The following GAS7 variants were observed in gnomAD, a reference collection of about 807,000 sequenced individuals.
GAS7 encodes growth arrest-specific protein 7.
Under a neutral mutation model 71.1 loss-of-function variants are expected in GAS7, and 28 were observed. The observed-to-expected ratio is 0.39, with a 90% CI of 0.29 to 0.54. The LOEUF is 0.54. Among genes scored for constraint, GAS7 ranks in the 20% least tolerant of loss-of-function variants. The probability of loss-of-function intolerance (pLI) is 0.62; values close to 1 mark genes in which losing one functional copy is unlikely to be tolerated. For synonymous variants in GAS7, 258 were observed against 245.8 expected (o/e 1.05, Z -0.46); for missense variants, 436 against 627.8 (o/e 0.69, Z 3.27).
intron 1 of GAS7, among the ~76,000 whole-genome samples, chr17:10,118,734 T>C (rs1271766756): frequency 2.0e-5 from 3 of 146,642 alleles, no homozygotes; most frequent in African/African-American, 7.6e-5. Context: ...AAAGCCCTTG[T>C]GTATCTCTGG....
chr17:10,063,275 C>A (rs144268653), intron 1 of GAS7, among the ~76,000 whole-genome samples: 3 of 152,190 alleles, frequency 2.0e-5, no homozygotes, highest in Non-Finnish European at 4.4e-5. Context: ...CGTGTGTGTG[C>A]GCGCGCACGC....
chr17:10,134,221 C>T (rs968202277), intron 1 of GAS7, among the ~76,000 whole-genome samples: 23 of 151,922 alleles, frequency 1.5e-4, no homozygotes, highest in Admixed American at 1.4e-3. Context: ...TTAGTAGAGA[C>T]GGGGTTTCAC....
chr17:10,086,613 G>C (rs2073522606), intron 1 of GAS7, among the ~76,000 whole-genome samples: 1 of 152,180 alleles, frequency 6.6e-6, no homozygotes, highest in Non-Finnish European at 1.5e-5. Flanking sequence ...TGTACAAGCT[G>C]TTAAAATCAC....
rs377413522 is a variant in GAS7, at chr17:10,031,813, A to T, written c.184-11916T>A. 3.3e-5 allele frequency among the ~76,000 whole-genome samples: 5 copies of T among 152,378 alleles called. No individual in the cohort carries two copies. In the South Asian group the frequency reaches 1.0e-3, roughly 32 times the overall value. Reference sequence around the variant, plus strand: ...CATCTCCCCAGCGGCGCCATACGGCATGATGGGGATCTGAGAGACGCCCAC... The same window carrying T: ...CATCTCCCCAGCGGCGCCATACGGCTTGATGGGGATCTGAGAGACGCCCAC... On this transcript the variant is annotated intron_variant, in intron 1 of 13. Transcript: ENST00000432992.
Position 10,177,539 on chromosome 17 carries a change from T to C in GAS7, c.183+20669A>G, listed in dbSNP as rs114885516. ...CTAAGGACCAGGTTAATGGAGACTG[T>C]GTCTGCTCCTATGGAGGTGTTACCT... On this transcript the variant is annotated intron_variant, in intron 1 of 13. Coordinates refer to ENST00000432992, the MANE Select transcript of GAS7 (RefSeq NM_201433.2). Among the ~76,000 whole-genome samples the C allele has an allele frequency of 5.4e-3, 824 of 152,216 alleles. 5 individuals are homozygous for C. Among genetic ancestry groups the C allele is most frequent in the Middle Eastern group, 0.02 (6 of 294 alleles).
At chr17:9,990,152 C>T (rs1567861755) in intron 2 of GAS7, among the ~76,000 whole-genome samples, 1 of 152,172 alleles carries the variant, frequency 6.6e-6, no homozygotes, top group Non-Finnish European at 1.5e-5. Flanking sequence ...ACCTGTAGTC[C>T]CAGCTCCTGG....
In GAS7 at chr17:9,919,969, TTGTGTGTGTGTGTGTGTGTG is replaced by T. The variant is rs34994635; in HGVS notation, c.1139-284_1139-265del. 0.011 allele frequency among the ~76,000 whole-genome samples: 1,431 copies of T among 131,496 alleles called. 25 individuals carry two copies. The highest frequency in any genetic ancestry group is 0.038 in the African/African-American group (1,289 of 34,352). The allele number at this position is 131,496 out of a possible 152,430, so 86.3% of individuals were successfully genotyped here. ...AGGATTCAGGATGGTGGTTCTCATT[TTGTGTGTGTGTGTGTGTGTG>T]TGTGTGTGTGTGTGTGTGTGTGTGT... is the stretch of plus-strand genomic sequence containing the variant. On this transcript the variant is annotated intron_variant, in intron 11 of 13. Coordinates refer to ENST00000432992, the MANE Select transcript of GAS7 (RefSeq NM_201433.2). The surrounding 1 kb of genome is among the most constrained non-coding windows in gnomAD (Gnocchi z 5.0).
In GAS7 at chr17:9,912,260, C is replaced by T. The variant is rs1257977758; in HGVS notation, c.*4968G>A. 1.7e-5 allele frequency: 4 copies of T among 232,766 alleles called. No homozygotes were observed. The highest frequency in any genetic ancestry group is 3.4e-5 in the Non-Finnish European group (4 of 117,830). The allele number at this position is 232,766 out of a possible 1,614,324, so 14.4% of individuals were successfully genotyped here. On this transcript the variant is annotated 3_prime_UTR_variant, in exon 14 of 14. Coordinates refer to ENST00000432992, the MANE Select transcript of GAS7 (RefSeq NM_201433.2). The stretch of plus-strand genomic sequence containing the variant: ...CCAGGACTTGAGGCAATTCTATGCA[C>T]GATTGTGCAGATGAGAGCCAGACAC...
intron 1 of GAS7, among the ~76,000 whole-genome samples, chr17:10,124,046 GTCGTGC>G (rs1385848783): frequency 1.3e-5 from 2 of 152,230 alleles, no homozygotes; most frequent in Non-Finnish European, 2.9e-5. Context: ...CTGGGGCACA[GTCGTGC>G]TCTATTCTTA....
At chr17:10,109,920 G>C (rs754095572) in intron 1 of GAS7, among the ~76,000 whole-genome samples, 3 of 152,150 alleles carry the variant, frequency 2.0e-5, no homozygotes, top group Admixed American at 1.3e-4. Flanking sequence ...TGGGCGTGGT[G>C]GTGGGCGCCT....
intron 1 of GAS7, among the ~76,000 whole-genome samples, chr17:10,125,535 AAG>A (rs755134529): frequency 0.31 from 33,528 of 107,100 alleles, 5,447 homozygotes; most frequent in East Asian, 0.45. Flanking sequence ...TAAAAAAAAA[AAG>A]AAAAAAAAAA....
chr17:10,098,888 G>A (rs1294019790), intron 1 of GAS7, among the ~76,000 whole-genome samples: 2 of 152,120 alleles, frequency 1.3e-5, no homozygotes, highest in South Asian at 2.1e-4. Flanking sequence ...CCCGGTAGGC[G>A]GAGCTTGCAG....
At chr17:10,187,570 G>T (rs1037800052) in intron 1 of GAS7, among the ~76,000 whole-genome samples, 1 of 152,110 alleles carries the variant, frequency 6.6e-6, no homozygotes, top group Non-Finnish European at 1.5e-5. Context: ...ATTTCCTCAT[G>T]TGTTTATGCT....
At chr17:10,128,469 T>C (rs907066542) in intron 1 of GAS7, among the ~76,000 whole-genome samples, 2 of 152,250 alleles carry the variant, frequency 1.3e-5, no homozygotes, top group African/African-American at 2.4e-5. Context: ...CCACAGATCA[T>C]TGAATTCCAA....
intron 1 of GAS7, among the ~76,000 whole-genome samples, chr17:10,056,377 C>T (rs1467740350): frequency 6.6e-6 from 1 of 152,112 alleles, no homozygotes; most frequent in African/African-American, 2.4e-5. Flanking sequence ...CACCTGTAGT[C>T]CCAGCTACTC....
At chr17:10,020,740 C>T (rs2072235061) in intron 1 of GAS7, among the ~76,000 whole-genome samples, 1 of 152,076 alleles carries the variant, frequency 6.6e-6, no homozygotes, top group South Asian at 2.1e-4. Flanking sequence ...GGTGAAACCC[C>T]ACCTCTACTA....
At chr17:10,050,256 C>T (rs78841474) in intron 1 of GAS7, among the ~76,000 whole-genome samples, 1,734 of 152,174 alleles carry the variant, frequency 0.011, 11 homozygotes, top group Middle Eastern at 0.044. Context: ...ATTGTATTAT[C>T]TTTCAAATGG....
At chr17:9,942,384 G>A (rs2068634912) in intron 7 of GAS7, among the ~76,000 whole-genome samples, 2 of 152,142 alleles carry the variant, frequency 1.3e-5, no homozygotes, top group South Asian at 2.1e-4. Context: ...CTGTGGGTAT[G>A]TGAGTGTGTG....
At chr17:9,963,237 T>C (rs748931194) in intron 4 of GAS7, among the ~76,000 whole-genome samples, 2 of 151,980 alleles carry the variant, frequency 1.3e-5, no homozygotes, top group African/African-American at 2.4e-5. Context: ...AGACCACAGA[T>C]AGTATGATAC....
Sources: gnomAD v4.1 joint callset for allele counts (sites outside exome capture counted in the v4.1 genomes callset) on GRCh38, gnomAD v4.1.1 for gene constraint, Gnocchi (gnomAD v3.1) non-coding constraint, MANE v1.5 for transcripts, NCBI Gene and HGNC (gene_info 2026-07-23, HGNC 2026-07-21) for gene names.